LRRC7: variants seen among roughly 807,000 people sequenced by gnomAD.
The protein encoded by LRRC7 is leucine rich repeat containing 7, also known as leucine-rich repeat-containing protein 7.
Under a neutral mutation model 175.7 loss-of-function variants are expected in LRRC7, and 23 were observed. The observed-to-expected ratio is 0.13, with a 90% CI of 0.09 to 0.19. The LOEUF (loss-of-function observed/expected upper bound fraction) is 0.19, where lower values mean the gene tolerates loss of function less well. Ranked by LOEUF, LRRC7 falls within the 10% of genes least tolerant of loss-of-function variation. The pLI, the probability that LRRC7 is intolerant of heterozygous loss-of-function variation, is 1.00. For synonymous variants in LRRC7, 685 were observed against 680.9 expected, an observed-to-expected ratio of 1.01 and a Z score of -0.09; for missense variants, 1,354 against 1,904.7, an observed-to-expected ratio of 0.71 and a Z score of 5.38.
chr1:70,105,497 A>AAT (rs957531704), intron 25 of LRRC7, among the ~76,000 whole-genome samples: 18 of 152,264 alleles, frequency 1.2e-4, no homozygotes, highest in African/African-American at 3.4e-4. Flanking sequence ...TGTCCACACA[A>AAT]ATATATATAT....
chr1:69,973,626 A>G (rs1322552922), intron 8 of LRRC7, among the ~76,000 whole-genome samples: 1 of 152,060 alleles, frequency 6.6e-6, no homozygotes, highest in African/African-American at 2.4e-5. Flanking sequence ...AAAAGGATAC[A>G]CTCTGTTGCC....
chr1:69,676,390 C>T (rs1659777654), intron 1 of LRRC7, among the ~76,000 whole-genome samples: 1 of 151,984 alleles, frequency 6.6e-6, no homozygotes. Context: ...TGAGGATAAT[C>T]ATATAGATAT....
At chr1:69,691,402 C>T (rs1166608155) in intron 2 of LRRC7, among the ~76,000 whole-genome samples, 2 of 152,004 alleles carry the variant, frequency 1.3e-5, no homozygotes, top group African/African-American at 4.8e-5. Flanking sequence ...GGCAAACAGA[C>T]GCATCCTATT....
intron 8 of LRRC7, among the ~76,000 whole-genome samples, chr1:69,941,733 A>T (rs1361909628): frequency 2.0e-5 from 3 of 152,102 alleles, no homozygotes; most frequent in Admixed American, 6.6e-5. Context: ...AATGCCACAA[A>T]CATCATAAAA....
At chr1:70,073,238 G>T (rs1035296521) in intron 23 of LRRC7, among the ~76,000 whole-genome samples, 2 of 152,154 alleles carry the variant, frequency 1.3e-5, no homozygotes, top group African/African-American at 4.8e-5. Flanking sequence ...GCCAGTTACT[G>T]TGTCAGTCAT....
intron 1 of LRRC7, among the ~76,000 whole-genome samples, chr1:69,622,651 CT>C (rs1650813036): frequency 6.6e-6 from 1 of 152,062 alleles, no homozygotes; most frequent in Admixed American, 6.5e-5. Flanking sequence ...AGAAACTCAC[CT>C]TGAGGGTGGT....
In LRRC7 at chr1:70,032,850, A is replaced by C. The variant is rs1368749742; in HGVS notation, c.1996-3271A>C. 3.9e-5 allele frequency among the ~76,000 whole-genome samples: 6 copies of C among 152,306 alleles called. No homozygotes were observed. The East Asian group carries it at 1.2e-3, about 29-fold the overall frequency. On this transcript the variant is annotated intron_variant, in intron 18 of 26. Transcript: ENST00000651989. Reference sequence around the variant, plus strand: ...CAGTGGAAGGGCAATTGTGAGAAAAAGGACATTTTACCTTTTCTTTCCCTC... The same window carrying C: ...CAGTGGAAGGGCAATTGTGAGAAAACGGACATTTTACCTTTTCTTTCCCTC...
chr1:69,712,114 C>G (rs1664815541), intron 2 of LRRC7, among the ~76,000 whole-genome samples: 1 of 152,024 alleles, frequency 6.6e-6, no homozygotes, highest in Non-Finnish European at 1.5e-5. Context: ...GGCTTTCAAA[C>G]AATACTTTCA....
At chr1:69,746,132 C>T (rs1423799857) in intron 2 of LRRC7, among the ~76,000 whole-genome samples, 3 of 151,828 alleles carry the variant, frequency 2.0e-5, no homozygotes, top group African/African-American at 7.3e-5. Flanking sequence ...CTCAAAAGCT[C>T]TTCAATTTAC....
intron 23 of LRRC7, among the ~76,000 whole-genome samples, chr1:70,055,790 A>G (rs1019937018): frequency 1.3e-5 from 2 of 152,210 alleles, no homozygotes; most frequent in African/African-American, 4.8e-5. Flanking sequence ...ACCTCCCACT[A>G]GGTCCCTCCT....
At chr1:69,639,400 G>A (rs1233861060) in intron 1 of LRRC7, among the ~76,000 whole-genome samples, 2 of 151,712 alleles carry the variant, frequency 1.3e-5, no homozygotes, top group Non-Finnish European at 3.0e-5. Context: ...AAGTGGTATG[G>A]TTTTCTAATC....
intron 8 of LRRC7, among the ~76,000 whole-genome samples, chr1:69,941,905 A>G (rs1648759009): frequency 6.6e-6 from 1 of 152,100 alleles, no homozygotes; most frequent in Non-Finnish European, 1.5e-5. Flanking sequence ...ATGATTTTTA[A>G]TATTGATAGT....
At chr1:69,599,235 C>T (rs1337983806) in intron 1 of LRRC7, among the ~76,000 whole-genome samples, 1 of 152,024 alleles carries the variant, frequency 6.6e-6, no homozygotes, top group Non-Finnish European at 1.5e-5. Flanking sequence ...CTTTGTGGTA[C>T]ATGTTCTTTT....
chr1:69,677,060 C>T (rs1180987981), intron 1 of LRRC7, among the ~76,000 whole-genome samples: 1 of 151,816 alleles, frequency 6.6e-6, no homozygotes, highest in East Asian at 1.9e-4. Context: ...TGAGTTACTT[C>T]ATTTAGAGTA....
intron 5 of LRRC7, among the ~76,000 whole-genome samples, chr1:69,832,099 T>A (rs911767156): frequency 2.6e-5 from 4 of 152,196 alleles, no homozygotes; most frequent in African/African-American, 9.6e-5. Flanking sequence ...CAGCAGTGTA[T>A]TTGGGAGATA....
In LRRC7 at chr1:70,052,480, A is replaced by G. The variant is rs184594232; in HGVS notation, c.4111-546A>G. ...ATAGCATATTTTTGATGTCCCCCCA[A>G]AGCTATTTGTTGATAACGCCATAGT... On this transcript the variant is annotated intron_variant, in intron 22 of 26. Coordinates refer to ENST00000651989, the MANE Select transcript of LRRC7 (RefSeq NM_001370785.2). Among the ~76,000 whole-genome samples, 434 of 152,076 alleles carry G rather than the reference A, an allele frequency of 2.9e-3. 2 individuals carry two copies. The highest frequency in any genetic ancestry group is 0.014 in the Middle Eastern group (4 of 294).
intron 22 of LRRC7, among the ~76,000 whole-genome samples, chr1:70,048,162 G>T (rs955646895): frequency 1.3e-5 from 2 of 152,036 alleles, no homozygotes; most frequent in Non-Finnish European, 2.9e-5. Context: ...ATTGTAAAAT[G>T]CTAGTTCAAA....
chr1:69,695,922 C>A (rs1220480562), intron 2 of LRRC7, among the ~76,000 whole-genome samples: 1 of 152,214 alleles, frequency 6.6e-6, no homozygotes, highest in Non-Finnish European at 1.5e-5. Context: ...GGTGCCCAAG[C>A]AGAAACCTGC....
intron 5 of LRRC7, among the ~76,000 whole-genome samples, chr1:69,834,342 A>G (rs1405782354): frequency 6.6e-6 from 1 of 152,180 alleles, no homozygotes; most frequent in South Asian, 2.1e-4. Context: ...AACAAATTGT[A>G]GACAAATTTT....
Sources: allele counts gnomAD v4.1 joint callset (sites outside exome capture counted in the v4.1 genomes callset), GRCh38; gene constraint gnomAD v4.1.1; transcripts MANE v1.5; gene names NCBI Gene and HGNC (gene_info 2026-07-23, HGNC 2026-07-21).